SLC2A13: variants seen among roughly 807,000 people sequenced by gnomAD.
The protein encoded by SLC2A13 is proton myo-inositol cotransporter.
SLC2A13 carries 32 observed loss-of-function variants against 64.4 expected under a neutral mutation model. The ratio of observed to expected loss-of-function variants is 0.50; its 90% CI spans 0.37 to 0.67. The LOEUF (loss-of-function observed/expected upper bound fraction) is 0.67. Ranked by LOEUF, SLC2A13 falls within the 30% of genes least tolerant of loss-of-function variation. SLC2A13 has a pLI of 0.00. For missense variants in SLC2A13, 743 were observed against 829.2 expected, an observed-to-expected ratio of 0.90 and a Z score of 1.28; for synonymous variants, 338 against 327.1, an observed-to-expected ratio of 1.03 and a Z score of -0.36.
intron 6 of SLC2A13, among the ~76,000 whole-genome samples, chr12:39,838,820 G>C (rs1233672138): frequency 6.6e-6 from 1 of 152,050 alleles, no homozygotes; most frequent in Non-Finnish European, 1.5e-5. Context: ...AGCTGGGTGT[G>C]AACTCAGCCC....
chr12:39,760,237 T>C lies in SLC2A13; in HGVS notation c.1736A>G (p.Tyr579Cys), dbSNP rs752051614. 2 of 1,612,020 alleles carry C rather than the reference T, an allele frequency of 1.2e-6. No homozygotes were observed. Among genetic ancestry groups the C allele is most frequent in the South Asian group, 2.2e-5 (2 of 90,956 alleles). ...GAGTCCCACAGCAGCAAATCCAGCA[T>C]AGAGGAAGAAAGCTCCTGCAACGGA... is the stretch of plus-strand genomic sequence containing the variant. ...YLTYYGAFFL[Y>C]AGFAAVGLLF... Residue 579 changes from tyrosine (Y) to cysteine (C), a missense_variant, in exon 10 of 10, where the codon TAT (tyrosine) becomes TGT (cysteine). Coordinates refer to ENST00000280871, the MANE Select transcript of SLC2A13 (RefSeq NM_052885.4).
At chr12:39,959,263 A>C (rs1482782434) in intron 3 of SLC2A13, among the ~76,000 whole-genome samples, 2 of 152,216 alleles carry the variant, frequency 1.3e-5, no homozygotes, top group Non-Finnish European at 2.9e-5. Context: ...TCTGCTTGAA[A>C]GAATGGACTG....
At chr12:39,902,311 GC>G (rs1437826639) in intron 4 of SLC2A13, among the ~76,000 whole-genome samples, 27 of 151,470 alleles carry the variant, frequency 1.8e-4, no homozygotes, top group Admixed American at 1.8e-3. Flanking sequence ...TGCACATTGT[GC>G]AAATGTACCC....
intron 3 of SLC2A13, among the ~76,000 whole-genome samples, chr12:40,010,962 G>C (rs2136194248): frequency 6.6e-6 from 1 of 152,230 alleles, no homozygotes; most frequent in Admixed American, 6.5e-5. Context: ...GAGATGTAGA[G>C]GCCCTAAGAA....
intron 3 of SLC2A13, among the ~76,000 whole-genome samples, chr12:39,985,804 C>G (rs553537081): frequency 6.6e-6 from 1 of 152,186 alleles, no homozygotes; most frequent in African/African-American, 2.4e-5. Flanking sequence ...TAGGGTGGTT[C>G]TTTACCTCTT....
chr12:40,097,871 G>A (rs1217860080), intron 1 of SLC2A13, among the ~76,000 whole-genome samples: 1 of 151,880 alleles, frequency 6.6e-6, no homozygotes, highest in Admixed American at 6.6e-5. Flanking sequence ...CTCAATTCTG[G>A]GTATATATCC....
chr12:40,025,630 G>C (rs577840364), intron 3 of SLC2A13, among the ~76,000 whole-genome samples: 1 of 152,264 alleles, frequency 6.6e-6, no homozygotes, highest in Non-Finnish European at 1.5e-5. Flanking sequence ...CTTAAACAAC[G>C]TCTTTCTAAA....
chr12:39,828,712 GT>G (rs58188254), intron 7 of SLC2A13, among the ~76,000 whole-genome samples: 2,315 of 149,808 alleles, frequency 0.015, 26 homozygotes, highest in Middle Eastern at 0.025. Flanking sequence ...TAGTAACTTA[GT>G]TTTTTTTTTT....
chr12:40,051,015 T>G lies in SLC2A13; in HGVS notation c.557-2805A>C, dbSNP rs1246417501. ...TTTTTATTCTTATTATCATCTCTAG[T>G]TATGAGGCATCCCAATTCTTTCTAT... On this transcript the variant is annotated intron_variant, in intron 1 of 9. Transcript: ENST00000280871. 2.0e-5 allele frequency among the ~76,000 whole-genome samples: 3 copies of G among 152,188 alleles called. No homozygotes were observed. In the East Asian group the frequency reaches 5.8e-4, roughly 29 times the overall value.
intron 6 of SLC2A13, among the ~76,000 whole-genome samples, chr12:39,853,811 T>G (rs1943531807): frequency 6.6e-6 from 1 of 152,154 alleles, no homozygotes; most frequent in Admixed American, 6.5e-5. Flanking sequence ...GAATTTCATT[T>G]ATGTTACATA....
At chr12:39,802,476 G>A (rs1941828088) in intron 7 of SLC2A13, 1 of 152,134 alleles carries the variant, frequency 6.6e-6, no homozygotes, top group Non-Finnish European at 1.5e-5. Flanking sequence ...AATAGGCAAG[G>A]GCCACTTCAT....
chr12:40,041,285 A>T (rs1948085499), intron 2 of SLC2A13, among the ~76,000 whole-genome samples: 1 of 151,172 alleles, frequency 6.6e-6, no homozygotes, highest in African/African-American at 2.4e-5. Context: ...TCACCCCCAA[A>T]CTCCCAGATG....
chr12:39,916,431 C>T (rs1945522506), intron 4 of SLC2A13, among the ~76,000 whole-genome samples: 1 of 152,050 alleles, frequency 6.6e-6, no homozygotes, highest in Non-Finnish European at 1.5e-5. Context: ...TTTCCTTCTA[C>T]TGCTAAAACC....
At chr12:39,909,162 T>G (rs1026672939) in intron 4 of SLC2A13, among the ~76,000 whole-genome samples, 3 of 152,108 alleles carry the variant, frequency 2.0e-5, no homozygotes, top group Non-Finnish European at 4.4e-5. Context: ...AATTTCCAAA[T>G]AAAAATTAAA....
intron 3 of SLC2A13, among the ~76,000 whole-genome samples, chr12:39,962,507 T>G (rs1946432303): frequency 6.6e-6 from 1 of 152,244 alleles, no homozygotes; most frequent in South Asian, 2.1e-4. Context: ...GTCACCCATT[T>G]ATGCATCTCT....
chr12:39,813,516 G>A (rs1257171306), intron 7 of SLC2A13, among the ~76,000 whole-genome samples: 1 of 151,938 alleles, frequency 6.6e-6, no homozygotes, highest in Non-Finnish European at 1.5e-5. Context: ...ATCTCTGCAA[G>A]GACTTAAAAA....
intron 7 of SLC2A13, among the ~76,000 whole-genome samples, chr12:39,801,205 C>T (rs1311723098): frequency 1.7e-5 from 2 of 115,818 alleles, no homozygotes; most frequent in East Asian, 4.7e-4. Flanking sequence ...ATGTAACTAA[C>T]CTGCACAATG....
intron 4 of SLC2A13, among the ~76,000 whole-genome samples, chr12:39,926,327 G>T (rs1447294713): frequency 6.6e-6 from 1 of 151,960 alleles, no homozygotes; most frequent in African/African-American, 2.4e-5. Context: ...CAAATCTCAG[G>T]TTTACAGCCT....
At chr12:39,908,719 C>A (rs907295719) in intron 4 of SLC2A13, among the ~76,000 whole-genome samples, 3 of 151,880 alleles carry the variant, frequency 2.0e-5, no homozygotes, top group African/African-American at 7.3e-5. Context: ...CACTCTCACC[C>A]TTATATCCAG....
Sources: allele counts gnomAD v4.1 joint callset (sites outside exome capture counted in the v4.1 genomes callset), GRCh38; gene constraint gnomAD v4.1.1; transcripts MANE v1.5; gene names NCBI Gene and HGNC (gene_info 2026-07-23, HGNC 2026-07-21).